Variants in CEP72 observed in about 807,000 individuals in gnomAD.
CEP72 encodes centrosomal protein 72, also known as centrosomal protein of 72 kDa.
Under a neutral mutation model 65.7 loss-of-function variants are expected in CEP72, and 78 were observed. The observed-to-expected ratio is 1.19, with a 90% CI of 0.99 to 1.43. The LOEUF is 1.43. Among genes scored for constraint, CEP72 ranks in the 40% most tolerant of loss-of-function variants. The pLI, the probability that CEP72 is intolerant of heterozygous loss-of-function variation, is 0.00. For synonymous variants in CEP72, 358 were observed against 351.7 expected (o/e 1.02, Z -0.20); for missense variants, 914 against 832.9 (o/e 1.10, Z -1.20).
chr5:634,989 G>T (rs1020764510), intron 5 of CEP72, among the ~76,000 whole-genome samples: 3 of 152,130 alleles, frequency 2.0e-5, no homozygotes, highest in Non-Finnish European at 2.9e-5. Flanking sequence ...TTTGCCTCCC[G>T]GGTTCAAGTG....
chr5:662,744 G>A (rs1192926015), intron 1 of CEP72: 1 of 152,552 alleles, frequency 6.6e-6, no homozygotes, highest in Non-Finnish European at 1.5e-5. Flanking sequence ...AGGGCCTTCC[G>A]GGTCTCAGGC....
At chr5:643,534 AGC>A (rs1738202086) in intron 9 of CEP72, 1 of 985,258 alleles carries the variant, frequency 1.0e-6, no homozygotes, top group African/African-American at 1.7e-5. Flanking sequence ...AGAAGGATGA[AGC>A]GGCGATACCC....
chr5:667,673 A>T (rs1739977772), downstream of CEP72, among the ~76,000 whole-genome samples: 2 of 151,916 alleles, frequency 1.3e-5, no homozygotes, highest in South Asian at 4.1e-4. Context: ...TCTCTGAGAT[A>T]CACAAAGGAA....
intron 10 of CEP72, among the ~76,000 whole-genome samples, chr5:647,410 G>A (rs184632183): frequency 6.6e-6 from 1 of 152,358 alleles, no homozygotes; most frequent in East Asian, 1.9e-4. Context: ...GCCACTGTGG[G>A]CTGCTTGGTG....
intron 2 of CEP72, chr5:664,974 G>GC (rs1373097739): frequency 3.5e-6 from 4 of 1,144,276 alleles, no homozygotes; most frequent in Non-Finnish European, 4.9e-6. Flanking sequence ...GGGCCTGGCC[G>GC]CCCCCCAGCC....
chr5:613,656 C>A (rs115112563), intron 1 of CEP72, among the ~76,000 whole-genome samples: 227 of 152,326 alleles, frequency 1.5e-3, no homozygotes, highest in Non-Finnish European at 2.8e-3. Context: ...CATGAGCCAC[C>A]TACACCCAGC....
downstream of CEP72, among the ~76,000 whole-genome samples, chr5:667,670 G>C (rs1032975094): frequency 1.3e-4 from 19 of 151,964 alleles, no homozygotes; most frequent in African/African-American, 1.7e-4. Context: ...TTGTCTCTGA[G>C]ATACACAAAG....
chr5:637,469 A>G (rs371394775), intron 6 of CEP72, 48 bp from the exon 7 acceptor site: 6 of 1,548,650 alleles, frequency 3.9e-6, no homozygotes, highest in Non-Finnish European at 5.3e-6. Context: ...TGAACACTGC[A>G]CCCAGAGAAT....
chr5:673,045 A>T, the CEP72 span, among the ~76,000 whole-genome samples: 3 of 152,188 alleles, frequency 2.0e-5, no homozygotes, highest in Non-Finnish European at 2.9e-5. Flanking sequence ...TGTCAGAGTC[A>T]GCAGCTTTCT....
downstream of CEP72, among the ~76,000 whole-genome samples, chr5:658,963 C>T (rs1030987957): frequency 6.6e-5 from 10 of 152,312 alleles, no homozygotes; most frequent in East Asian, 3.9e-4. Context: ...CCACCGCGCC[C>T]GGCCTCAGCG....
chr5:669,256 C>T (rs1740094484), downstream of CEP72, among the ~76,000 whole-genome samples: 1 of 147,438 alleles, frequency 6.8e-6, no homozygotes, highest in Non-Finnish European at 1.5e-5. Context: ...TGTCCAGCAG[C>T]ATCCCCCAGG....
intron 9 of CEP72, 27 bp downstream of exon 9, chr5:640,631 T>G (rs1737950562): frequency 6.3e-7 from 1 of 1,587,040 alleles, no homozygotes; most frequent in African/African-American, 1.3e-5. Flanking sequence ...GCTGTGTCTG[T>G]GTCCATGTGA....
rs374550673 is a variant in CEP72 at position 620,316 on chromosome 5, C to T, written c.403+55C>T. On this transcript the variant is annotated intron_variant, in intron 3 of 11. Coordinates refer to ENST00000264935, the MANE Select transcript of CEP72 (RefSeq NM_018140.4). ...TTTTGTCCCCGTGGGGTATGGGAGT[C>T]GGGGAGTCGTAGTGGGTGTCTGTGT... 38 of 1,498,902 alleles carry T rather than the reference C, an allele frequency of 2.5e-5. No individual in the cohort carries two copies. The Middle Eastern group carries it at 2.0e-3, about 79-fold the overall frequency. 92.9% of individuals were successfully genotyped at this position (1,498,902 alleles called of 1,614,324 possible).
At chr5:653,723 AT>A (rs202157535), downstream of CEP72, among the ~76,000 whole-genome samples, 875 of 152,358 alleles carry the variant, frequency 5.7e-3, 41 homozygotes, top group Admixed American at 0.053. Context: ...TTGTCTTATG[AT>A]ATTAACATAT....
intron 2 of CEP72, among the ~76,000 whole-genome samples, chr5:619,617 GC>G (rs1736247283): frequency 6.6e-6 from 1 of 152,222 alleles, no homozygotes; most frequent in Admixed American, 6.5e-5. Flanking sequence ...CATTATGGAG[GC>G]CACGTCTGAC....
At chr5:639,809 G>C (rs907353189) in intron 8 of CEP72, among the ~76,000 whole-genome samples, 7 of 152,228 alleles carry the variant, frequency 4.6e-5, no homozygotes, top group Admixed American at 3.3e-4. Context: ...GTGTGGCTGT[G>C]TGTGTCCCTC....
At chr5:658,645 A>ATTTTTTTTTTTTT (rs70955278), downstream of CEP72, among the ~76,000 whole-genome samples, 2 of 55,944 alleles carry the variant, frequency 3.6e-5, 1 homozygote, top group Non-Finnish European at 6.8e-5. Context: ...AGCAAAGCTG[A>ATTTTTTTTTTTTT]TTTTTTTTTT....
intron 9 of CEP72, chr5:641,005 G>C: frequency 1.0e-6 from 1 of 985,446 alleles, no homozygotes; most frequent in Admixed American, 6.1e-5. Context: ...GGTGAGCTGG[G>C]GCTACAGGGC....
chr5:648,016 C>A, intron 11 of CEP72, 100 bp downstream of exon 11: 1 of 697,280 alleles, frequency 1.4e-6, no homozygotes. Context: ...CACAGAGGAG[C>A]AGCTCCTCAT....
Sources: gnomAD v4.1 joint callset for allele counts (sites outside exome capture counted in the v4.1 genomes callset) on GRCh38, gnomAD v4.1.1 for gene constraint, MANE v1.5 for transcripts, NCBI Gene and HGNC (gene_info 2026-07-23, HGNC 2026-07-21) for gene names.